The following DLGAP2 variants were observed in gnomAD, a reference collection of about 807,000 sequenced individuals.
The protein encoded by DLGAP2 is disks large-associated protein 2.
In DLGAP2, 26 loss-of-function variants were observed where a neutral mutation model predicts 100.3. That is an observed-to-expected ratio of 0.26 (90% confidence interval 0.19 to 0.36). The LOEUF is 0.36. Ranked by LOEUF, DLGAP2 falls within the 10% of genes least tolerant of loss-of-function variation. The pLI, the probability that DLGAP2 is intolerant of heterozygous loss-of-function variation, is 1.00. For missense variants in DLGAP2, 1,858 were observed against 1,453.2 expected (o/e 1.28, Z -4.53); for synonymous variants, 886 against 630.1 (o/e 1.41, Z -6.08).
At chr8:1,152,600 G>A (rs1796715559) in intron 2 of DLGAP2, among the ~76,000 whole-genome samples, 1 of 151,954 alleles carries the variant, frequency 6.6e-6, no homozygotes, top group Admixed American at 6.5e-5. Flanking sequence ...GTCATGGGGG[G>A]CCCAGCAGGG....
At chr8:1,699,095 A>G (rs561466040) in intron 14 of DLGAP2, among the ~76,000 whole-genome samples, 5 of 152,342 alleles carry the variant, frequency 3.3e-5, no homozygotes, top group East Asian at 1.9e-4. Context: ...GGCTGTTCAA[A>G]CGGAACGTAC....
At chr8:953,196 T>C (rs980216756) in intron 2 of DLGAP2, among the ~76,000 whole-genome samples, 2 of 151,946 alleles carry the variant, frequency 1.3e-5, no homozygotes, top group African/African-American at 4.9e-5. Flanking sequence ...TTCTTTTTTT[T>C]CTTTTTTCTT....
At chr8:1,256,635 C>T (rs976077320) in intron 2 of DLGAP2, among the ~76,000 whole-genome samples, 14 of 146,572 alleles carry the variant, frequency 9.6e-5, no homozygotes, top group African/African-American at 2.4e-4. Context: ...GTCATGTCCG[C>T]GCCTCCTGCA....
chr8:1,007,021 G>A (rs952586508), intron 2 of DLGAP2, among the ~76,000 whole-genome samples: 1 of 149,234 alleles, frequency 6.7e-6, no homozygotes, highest in African/African-American at 2.5e-5. Flanking sequence ...CCGTGTGTCT[G>A]AAGTCTCGGG....
At chr8:1,224,679 AACCTT>A (rs1397664695) in intron 2 of DLGAP2, among the ~76,000 whole-genome samples, 1 of 152,248 alleles carries the variant, frequency 6.6e-6, no homozygotes, top group Non-Finnish European at 1.5e-5. Flanking sequence ...GATTACTACT[AACCTT>A]ACAAGAATAA....
At chr8:1,119,566 G>C (rs1185265625) in intron 2 of DLGAP2, among the ~76,000 whole-genome samples, 1 of 152,230 alleles carries the variant, frequency 6.6e-6, no homozygotes, top group Non-Finnish European at 1.5e-5. Flanking sequence ...GAGATGCTGA[G>C]CAGCCTGAGG....
intron 2 of DLGAP2, among the ~76,000 whole-genome samples, chr8:1,129,982 C>G (rs1342585619): frequency 7.9e-5 from 12 of 152,162 alleles, no homozygotes; most frequent in Non-Finnish European, 1.8e-4. Context: ...ACAGGCAGTT[C>G]TAATTCTAAT....
intron 8 of DLGAP2, among the ~76,000 whole-genome samples, chr8:1,638,943 G>C (rs1477420865): frequency 6.6e-6 from 1 of 152,226 alleles, no homozygotes; most frequent in Non-Finnish European, 1.5e-5. Flanking sequence ...CCAGAGAGCT[G>C]GGTCATGGAG....
rs144251686 is a variant in DLGAP2, at chr8:1,022,436, T to A, written c.73+114470T>A. Among the ~76,000 whole-genome samples, 34 of 143,704 alleles carry A rather than the reference T, an allele frequency of 2.4e-4. 1 individual carries two copies. Among genetic ancestry groups the A allele is most frequent in the African/African-American group, 8.5e-4 (32 of 37,854 alleles). 94.3% of individuals were successfully genotyped at this position (143,704 alleles called of 152,430 possible). The stretch of plus-strand genomic sequence containing the variant: ...AAACAGCACCCACCCTCCCTGGGAG[T>A]GGACGGTCCCGTGCCAAGGTAGACA... On this transcript the variant is annotated intron_variant, in intron 2 of 14. Transcript: ENST00000637795.
At chr8:1,218,169 A>G (rs754084540) in intron 2 of DLGAP2, among the ~76,000 whole-genome samples, 15 of 152,160 alleles carry the variant, frequency 9.9e-5, no homozygotes, top group Non-Finnish European at 1.0e-4. Context: ...TGCCAACACT[A>G]TGTTCAGAAT....
chr8:899,205 A>T (rs1037809610), intron 1 of DLGAP2, among the ~76,000 whole-genome samples: 1 of 152,202 alleles, frequency 6.6e-6, no homozygotes, highest in Non-Finnish European at 1.5e-5. Flanking sequence ...TGCGTTCCAC[A>T]TGGGACTCCT....
At chr8:1,255,028 T>C (rs1459997853) in intron 2 of DLGAP2, among the ~76,000 whole-genome samples, 27 of 107,404 alleles carry the variant, frequency 2.5e-4, no homozygotes, top group Non-Finnish European at 3.8e-4. Flanking sequence ...GTGTGTGTCT[T>C]CTCCTGCCCA....
intron 2 of DLGAP2, among the ~76,000 whole-genome samples, chr8:1,018,586 A>G (rs532087265): frequency 2.6e-5 from 4 of 152,306 alleles, no homozygotes; most frequent in African/African-American, 9.6e-5. Flanking sequence ...TTAAGCACAC[A>G]TTGCTCTTGG....
intron 2 of DLGAP2, among the ~76,000 whole-genome samples, chr8:1,130,106 TTAAGGGATCGTGTCAGACACTTCAC>T (rs1477504306): frequency 8.1e-5 from 12 of 147,992 alleles, no homozygotes; most frequent in Non-Finnish European, 1.3e-4. Context: ...TTCACGCGAG[TTAAGGGATCGTGTCAGACACTTCAC>T]GCGAGTTATA....
At position 1,488,208 on chromosome 8, in the gene DLGAP2, C is replaced by T. The variant is rs557995042; in HGVS notation, c.107-13158C>T. 4.7e-4 allele frequency among the ~76,000 whole-genome samples: 71 copies of T among 152,260 alleles called. No individual in the cohort carries two copies. The South Asian group carries it at 0.015, about 31-fold the overall frequency. On this transcript the variant is annotated intron_variant, in intron 3 of 14. Transcript: ENST00000637795. ...CCCACACTGTCCTCCACACAGTCCT[C>T]CACCCCCCTGCAAACTCCCACCCGG...
At chr8:1,579,098 C>T (rs1803116462) in intron 6 of DLGAP2, among the ~76,000 whole-genome samples, 1 of 152,006 alleles carries the variant, frequency 6.6e-6, no homozygotes, top group Admixed American at 6.6e-5. Flanking sequence ...AAAGGTAGAC[C>T]AAATAATTTC....
At chr8:1,447,229 T>G (rs1280350313) in intron 3 of DLGAP2, among the ~76,000 whole-genome samples, 1 of 152,234 alleles carries the variant, frequency 6.6e-6, no homozygotes, top group Non-Finnish European at 1.5e-5. Flanking sequence ...GCCTGTGGGT[T>G]TGTCATAGAT....
At chr8:1,604,995 T>C (rs751475712) in intron 6 of DLGAP2, among the ~76,000 whole-genome samples, 3 of 152,188 alleles carry the variant, frequency 2.0e-5, no homozygotes, top group Non-Finnish European at 4.4e-5. Context: ...AGGATAAAGA[T>C]AGTGCAGTCG....
intron 3 of DLGAP2, among the ~76,000 whole-genome samples, chr8:1,382,104 G>C (rs998424549): frequency 2.0e-5 from 3 of 152,280 alleles, no homozygotes; most frequent in Middle Eastern, 3.4e-3. Context: ...CTTTACTGCT[G>C]ATAGCCTCCT....
Sources: allele counts gnomAD v4.1 joint callset (sites outside exome capture counted in the v4.1 genomes callset), GRCh38; gene constraint gnomAD v4.1.1; transcripts MANE v1.5; gene names NCBI Gene and HGNC (gene_info 2026-07-23, HGNC 2026-07-21).